Variants in ENTREP2 observed in about 807,000 individuals in gnomAD.
ENTREP2 encodes protein ENTREP2.
chr15:29,215,577 A>AATATATATAT, the ENTREP2 span, among the ~76,000 whole-genome samples: 4 of 144,716 alleles, frequency 2.8e-5, no homozygotes, highest in South Asian at 2.2e-4. Context: ...AAATATATAT[A>AATATATATAT]ATATATATAT....
At chr15:29,462,918 A>T in the ENTREP2 span, among the ~76,000 whole-genome samples, 1 of 152,182 alleles carries the variant, frequency 6.6e-6, no homozygotes, top group African/African-American at 2.4e-5. Flanking sequence ...GTTTTTAAAA[A>T]TAATGAAGGG....
the ENTREP2 span, among the ~76,000 whole-genome samples, chr15:29,231,749 A>C: frequency 6.6e-6 from 1 of 152,126 alleles, no homozygotes; most frequent in Non-Finnish European, 1.5e-5. Flanking sequence ...TAGTTTGCAA[A>C]TTAATTTACC....
chr15:29,552,751 A>T, the ENTREP2 span, among the ~76,000 whole-genome samples: 15 of 152,302 alleles, frequency 9.8e-5, no homozygotes, highest in South Asian at 1.9e-3. Context: ...TCCAATTTTT[A>T]AATTATTAGA....
chr15:29,133,981 T>G, the ENTREP2 span, among the ~76,000 whole-genome samples: 1 of 152,078 alleles, frequency 6.6e-6, no homozygotes. Context: ...CAGGAGCCCT[T>G]CCAGCCCCAC....
chr15:29,469,375 T>C, the ENTREP2 span, among the ~76,000 whole-genome samples: 1 of 152,140 alleles, frequency 6.6e-6, no homozygotes, highest in Non-Finnish European at 1.5e-5. Context: ...AATTTTTGTA[T>C]TTTTAGTAGA....
At chr15:29,255,364 A>G in the ENTREP2 span, among the ~76,000 whole-genome samples, 5 of 152,202 alleles carry the variant, frequency 3.3e-5, no homozygotes, top group African/African-American at 1.2e-4. Context: ...TAAAAAGTAA[A>G]AAATAACATG....
At chr15:29,494,698 CCTCT>C in the ENTREP2 span, among the ~76,000 whole-genome samples, 42 of 152,214 alleles carry the variant, frequency 2.8e-4, no homozygotes, top group African/African-American at 9.2e-4. Context: ...CCATCATTCT[CCTCT>C]CTGTTTCTAT....
the ENTREP2 span, among the ~76,000 whole-genome samples, chr15:29,497,981 G>A: frequency 1.3e-5 from 2 of 152,080 alleles, no homozygotes; most frequent in African/African-American, 4.8e-5. Context: ...GTGTCCCCAT[G>A]CAAATCTTAT....
At chr15:29,177,404 T>C in the ENTREP2 span, among the ~76,000 whole-genome samples, 35 of 152,246 alleles carry the variant, frequency 2.3e-4, no homozygotes, top group African/African-American at 7.0e-4. Context: ...TCAGAAAATA[T>C]ATTGGTGGTT....
the ENTREP2 span, among the ~76,000 whole-genome samples, chr15:29,426,040 ATAAT>A: frequency 1.9e-4 from 28 of 150,654 alleles, no homozygotes; most frequent in African/African-American, 6.0e-4. Flanking sequence ...TTACATAAAG[ATAAT>A]TGATTATTTT....
chr15:29,620,851 G>T, the ENTREP2 span, among the ~76,000 whole-genome samples: 1 of 152,026 alleles, frequency 6.6e-6, no homozygotes, highest in Non-Finnish European at 1.5e-5. Flanking sequence ...GGAGAGAAAG[G>T]AAGAACAAAT....
the ENTREP2 span, among the ~76,000 whole-genome samples, chr15:29,466,996 A>T: frequency 4.4e-5 from 5 of 113,148 alleles, no homozygotes; most frequent in Admixed American, 8.7e-5. Context: ...GGGCCCGGGG[A>T]GGATGCTGAT....
chr15:29,478,019 A>ATATATATTTATATAT, the ENTREP2 span, among the ~76,000 whole-genome samples: 20 of 54,286 alleles, frequency 3.7e-4, no homozygotes, highest in African/African-American at 1.6e-3. Flanking sequence ...ATATATATAT[A>ATATATATTTATATAT]TTTTTTTTTT....
At chr15:29,438,892 T>A in the ENTREP2 span, among the ~76,000 whole-genome samples, 1 of 152,160 alleles carries the variant, frequency 6.6e-6, no homozygotes, top group Non-Finnish European at 1.5e-5. Context: ...GGTTATGTAC[T>A]AACCAGTTGA....
At chr15:29,340,214 T>TGATA in the ENTREP2 span, among the ~76,000 whole-genome samples, 3 of 152,214 alleles carry the variant, frequency 2.0e-5, no homozygotes, top group African/African-American at 7.2e-5. Context: ...CCACCCTGTA[T>TGATA]CCAATACAAT....
chr15:29,563,624 C>T, the ENTREP2 span, among the ~76,000 whole-genome samples: 654 of 152,194 alleles, frequency 4.3e-3, 22 homozygotes, highest in Admixed American at 0.038. Flanking sequence ...CTGAGGTCAG[C>T]AGTTGAAGAT....
the ENTREP2 span, among the ~76,000 whole-genome samples, chr15:29,227,538 G>A: frequency 2.0e-5 from 3 of 152,290 alleles, no homozygotes; most frequent in Middle Eastern, 3.4e-3. Context: ...CATCAGCTGG[G>A]TGGTCGCTGC....
the ENTREP2 span, chr15:29,233,917 C>T: frequency 2.5e-6 from 4 of 1,570,952 alleles, 1 homozygote; most frequent in South Asian, 4.4e-5. Context: ...GCTGAAGAAA[C>T]TGTTCAGCTG....
the ENTREP2 span, among the ~76,000 whole-genome samples, chr15:29,257,889 C>T: frequency 6.6e-6 from 1 of 152,142 alleles, no homozygotes; most frequent in Non-Finnish European, 1.5e-5. Context: ...AGTCTGACAG[C>T]ATCCCTTGGG....
Sources: gnomAD v4.1 joint callset for allele counts (sites outside exome capture counted in the v4.1 genomes callset) on GRCh38, gnomAD v4.1.1 for gene constraint, MANE v1.5 for transcripts, NCBI Gene and HGNC (gene_info 2026-07-23, HGNC 2026-07-21) for gene names.